UGGT2: variants seen among roughly 807,000 people sequenced by gnomAD.
UGGT2 encodes the protein UDP-glucose:glycoprotein glucosyltransferase 2.
A neutral mutation model predicts 192.1 loss-of-function variants in UGGT2; 180 were observed. The ratio of observed to expected loss-of-function variants is 0.94; its 90% CI spans 0.83 to 1.06. UGGT2 has a LOEUF of 1.06. UGGT2 is among the 50% of genes least tolerant of loss of function. The pLI is 0.00. For missense variants in UGGT2, 1,849 were observed against 1,795.7 expected (o/e 1.03, Z -0.54); for synonymous variants, 580 against 591.0 (o/e 0.98, Z 0.27).
intron 27 of UGGT2, among the ~76,000 whole-genome samples, chr13:95,881,392 G>A (rs115329018): frequency 1.1e-3 from 161 of 152,114 alleles, no homozygotes; most frequent in African/African-American, 3.4e-3. Context: ...AGAACTCTTC[G>A]CTGCAAATGT....
At chr13:95,806,536 T>G (rs1274593678) in intron 38 of UGGT2, among the ~76,000 whole-genome samples, 1 of 152,152 alleles carries the variant, frequency 6.6e-6, no homozygotes, top group Non-Finnish European at 1.5e-5. Context: ...CAATGACACT[T>G]TTTGCAGAAA....
rs765130297 is a variant in UGGT2, at chr13:95,970,131, A to G, written c.1316T>C (p.Ile439Thr). ...ACTTACCATTATAGAAGAATGTCGA[A>G]TATCTAATACATAAGTATATTCCCA... ...HIWEYTYVLD[I>T]RHSSIMWIND... Residue 439 changes from isoleucine (I) to threonine (T), a missense_variant, in exon 12 of 39, where the codon ATT (isoleucine) becomes ACT (threonine). Coordinates refer to ENST00000376747, the MANE Select transcript of UGGT2 (RefSeq NM_020121.4). 2.5e-6 allele frequency: 4 copies of G among 1,608,956 alleles called. No individual in the cohort carries two copies. The South Asian group carries it at 3.3e-5, about 13-fold the overall frequency.
At chr13:95,925,472 AAT>A (rs746876651) in intron 20 of UGGT2, among the ~76,000 whole-genome samples, 2 of 152,166 alleles carry the variant, frequency 1.3e-5, no homozygotes, top group African/African-American at 4.8e-5. Flanking sequence ...ACTACCAGAG[AAT>A]ATATGTCACG....
intron 4 of UGGT2, among the ~76,000 whole-genome samples, chr13:96,015,626 G>A (rs961200140): frequency 1.3e-5 from 2 of 152,110 alleles, no homozygotes; most frequent in African/African-American, 2.4e-5. Flanking sequence ...ATTGACTAAG[G>A]TGTTAAAGAG....
intron 22 of UGGT2, among the ~76,000 whole-genome samples, chr13:95,895,928 G>A (rs1030437969): frequency 6.6e-6 from 1 of 151,998 alleles, no homozygotes; most frequent in Admixed American, 6.6e-5. Flanking sequence ...CTTTAAACCA[G>A]TAACTACAAA....
At chr13:96,002,598 T>C (rs1279751223) in intron 5 of UGGT2, among the ~76,000 whole-genome samples, 1 of 152,216 alleles carries the variant, frequency 6.6e-6, no homozygotes, top group Non-Finnish European at 1.5e-5. Flanking sequence ...TACATCTCAC[T>C]TTACAGATAA....
intron 1 of UGGT2, among the ~76,000 whole-genome samples, chr13:96,039,075 G>A (rs2053089929): frequency 6.6e-6 from 1 of 152,164 alleles, no homozygotes; most frequent in South Asian, 2.1e-4. Flanking sequence ...TCACAGGCAA[G>A]TTCAAAATCC....
intron 17 of UGGT2, among the ~76,000 whole-genome samples, chr13:95,933,248 T>C (rs956541846): frequency 6.6e-6 from 1 of 152,202 alleles, no homozygotes; most frequent in Admixed American, 6.5e-5. Context: ...TTATTACTGA[T>C]TCAATTATGG....
chr13:95,977,513 A>G (rs2050976336), intron 10 of UGGT2, among the ~76,000 whole-genome samples: 1 of 152,260 alleles, frequency 6.6e-6, no homozygotes, highest in African/African-American at 2.4e-5. Context: ...CATGCCAGTT[A>G]GAATGGTGAT....
chr13:95,907,116 C>T (rs1316869854), intron 20 of UGGT2, among the ~76,000 whole-genome samples: 2 of 152,306 alleles, frequency 1.3e-5, no homozygotes, highest in East Asian at 1.9e-4. Flanking sequence ...CTCCCGTGCC[C>T]GACACGGCAG....
chr13:95,843,871 ATATAT>A (rs1205310628), intron 36 of UGGT2, among the ~76,000 whole-genome samples: 1 of 152,138 alleles, frequency 6.6e-6, no homozygotes, highest in Non-Finnish European at 1.5e-5. Context: ...TACAGTAGCT[ATATAT>A]TATGTCTTAA....
Position 95,801,764 on chromosome 13 carries a change from C to T in UGGT2, c.*26G>A, listed in dbSNP as rs367641298. The T allele has an allele frequency of 1.9e-5, 31 of 1,610,378 alleles. No individual in the cohort carries two copies. Among genetic ancestry groups the T allele is most frequent in the African/African-American group, 1.9e-4 (14 of 74,790 alleles). ...GGCGGCAGGTTTCCTGTCATGCTTT[C>T]GCCTTCCTTCTCATATACACCAGTG... is the stretch of plus-strand genomic sequence containing the variant. On this transcript the variant is annotated 3_prime_UTR_variant, in exon 39 of 39. Coordinates refer to ENST00000376747, the MANE Select transcript of UGGT2 (RefSeq NM_020121.4).
chr13:95,941,362 T>C (rs2049673681), intron 15 of UGGT2, among the ~76,000 whole-genome samples: 1 of 152,198 alleles, frequency 6.6e-6, no homozygotes, highest in Non-Finnish European at 1.5e-5. Flanking sequence ...ACTGTAAACT[T>C]TGTACCCTAT....
intron 12 of UGGT2, among the ~76,000 whole-genome samples, chr13:95,964,131 T>C (rs1181443673): frequency 6.6e-6 from 1 of 151,914 alleles, no homozygotes; most frequent in Non-Finnish European, 1.5e-5. Context: ...CACAGACCAA[T>C]GGAAGAGAAC....
At chr13:95,955,217 A>G (rs2050177909) in intron 12 of UGGT2, among the ~76,000 whole-genome samples, 1 of 152,210 alleles carries the variant, frequency 6.6e-6, no homozygotes, top group South Asian at 2.1e-4. Context: ...GAATCTTGAA[A>G]CAGGATGAAT....
intron 20 of UGGT2, among the ~76,000 whole-genome samples, chr13:95,910,152 G>C (rs999428279): frequency 3.3e-5 from 5 of 152,172 alleles, no homozygotes; most frequent in African/African-American, 4.8e-5. Context: ...AAACTGTAAA[G>C]ACCATTGGTG....
At chr13:95,911,921 A>G (rs779751208) in intron 20 of UGGT2, among the ~76,000 whole-genome samples, 26 of 151,038 alleles carry the variant, frequency 1.7e-4, no homozygotes, top group South Asian at 4.2e-4. Context: ...GGGATGCAAG[A>G]CTGGTTCAAC....
intron 27 of UGGT2, among the ~76,000 whole-genome samples, chr13:95,883,530 G>C (rs2047554175): frequency 6.6e-6 from 1 of 152,096 alleles, no homozygotes; most frequent in African/African-American, 2.4e-5. Flanking sequence ...ATTGGATCAT[G>C]GGGGCAGATT....
intron 17 of UGGT2, among the ~76,000 whole-genome samples, chr13:95,935,536 C>G (rs2049435884): frequency 6.6e-6 from 1 of 152,170 alleles, no homozygotes. Context: ...ATGTGATCTG[C>G]CTTTTTTCTC....
Sources: allele counts gnomAD v4.1 joint callset (sites outside exome capture counted in the v4.1 genomes callset), GRCh38; gene constraint gnomAD v4.1.1; transcripts MANE v1.5; gene names NCBI Gene and HGNC (gene_info 2026-07-23, HGNC 2026-07-21).